Variants in ARHGAP6 observed in about 807,000 individuals in gnomAD.
ARHGAP6 encodes the protein rho GTPase-activating protein 6.
ARHGAP6 carries 16 observed loss-of-function variants against 55.7 expected under a neutral mutation model. The ratio of observed to expected loss-of-function variants is 0.29; its 90% CI spans 0.19 to 0.44. ARHGAP6 has a LOEUF of 0.44. Among genes scored for constraint, ARHGAP6 ranks in the 20% least tolerant of loss-of-function variants. The probability of loss-of-function intolerance (pLI) is 1.00; values close to 1 mark genes in which losing one functional copy is unlikely to be tolerated. For synonymous variants in ARHGAP6, 382 were observed against 360.9 expected, an observed-to-expected ratio of 1.06 and a Z score of -0.66; for missense variants, 698 against 808.9, an observed-to-expected ratio of 0.86 and a Z score of 1.66.
At chrX:11,179,117 G>A (rs1316503719) in intron 7 of ARHGAP6, among the ~76,000 whole-genome samples, 185 bp downstream of exon 7, 1 of 112,096 alleles carries the variant, frequency 8.9e-6, no homozygotes, top group Non-Finnish European at 1.9e-5. Flanking sequence ...TTGTTTTATT[G>A]TAACTTTCTT....
At chrX:11,595,701 A>G (rs777286221) in intron 1 of ARHGAP6, among the ~76,000 whole-genome samples, 2 of 112,110 alleles carry the variant, frequency 1.8e-5, no homozygotes, top group South Asian at 7.5e-4. Context: ...AATATCCAGG[A>G]TCTACAAAGA....
At chrX:11,192,732 G>C (rs1175744839) in intron 3 of ARHGAP6, among the ~76,000 whole-genome samples, 1 of 111,685 alleles carries the variant, frequency 9.0e-6, no homozygotes, top group East Asian at 2.8e-4. Flanking sequence ...ACTCTTTCCA[G>C]ATTGTATGTA....
At chrX:11,311,635 A>G (rs916680782) in intron 1 of ARHGAP6, among the ~76,000 whole-genome samples, 2 of 111,651 alleles carry the variant, frequency 1.8e-5, no homozygotes, top group Non-Finnish European at 3.8e-5. Flanking sequence ...GGTTGATGCC[A>G]TTGCCTTCTG....
At chrX:11,307,607 A>G (rs1278895268) in intron 1 of ARHGAP6, among the ~76,000 whole-genome samples, 1 of 112,500 alleles carries the variant, frequency 8.9e-6, no homozygotes, top group Non-Finnish European at 1.9e-5. Flanking sequence ...TCCACAAATG[A>G]TTTTTCTTAA....
chrX:11,452,633 G>T (rs28553569), intron 1 of ARHGAP6, among the ~76,000 whole-genome samples: 20,369 of 111,212 alleles, frequency 0.18, 1,429 homozygotes, highest in Middle Eastern at 0.3. Flanking sequence ...CATTCAGAAT[G>T]ATACCTCTGA....
chrX:11,607,945 TC>T (rs1295870186), intron 1 of ARHGAP6, among the ~76,000 whole-genome samples: 12 of 112,371 alleles, frequency 1.1e-4, no homozygotes, highest in Middle Eastern at 4.6e-3. Flanking sequence ...GGTATATTCT[TC>T]AAAAACGCTG....
intron 2 of ARHGAP6, among the ~76,000 whole-genome samples, chrX:11,202,744 G>A (rs1480351510): frequency 1.1e-5 from 1 of 87,570 alleles, no homozygotes; most frequent in Non-Finnish European, 2.1e-5. Context: ...AGGTTGCAGT[G>A]AGCCAAGATT....
chrX:11,586,179 C>T (rs2051732053), intron 1 of ARHGAP6, among the ~76,000 whole-genome samples: 1 of 111,857 alleles, frequency 8.9e-6, no homozygotes, highest in Non-Finnish European at 1.9e-5. Context: ...TGTGCAGAAG[C>T]TCATTAGTTT....
At chrX:11,512,752 C>T (rs1320119486) in intron 1 of ARHGAP6, among the ~76,000 whole-genome samples, 1 of 111,515 alleles carries the variant, frequency 9.0e-6, no homozygotes, top group African/African-American at 3.3e-5. Context: ...CTGCTGACTT[C>T]CAAACATATG....
At chrX:11,254,398 A>G in intron 2 of ARHGAP6, 150 bp downstream of exon 2, 2 of 721,787 alleles carry the variant, frequency 2.8e-6, no homozygotes, top group Non-Finnish European at 4.0e-6. Flanking sequence ...ATGTCCTTCA[A>G]ATGGACACTA....
chrX:11,488,530 CTA>C (rs2050533817), intron 1 of ARHGAP6, among the ~76,000 whole-genome samples: 1 of 110,903 alleles, frequency 9.0e-6, no homozygotes, highest in South Asian at 3.9e-4. Flanking sequence ...TATCAACAGT[CTA>C]TACCAAGGGT....
rs1156613318 is a variant in ARHGAP6, at chrX:11,514,161, CAAAAAA to C, written c.588+150074_588+150079del. Among the ~76,000 whole-genome samples the C allele has an allele frequency of 7.0e-4, 25 of 35,781 alleles. 1 individual carries two copies. The highest frequency in any genetic ancestry group is 3.8e-3 in the South Asian group (1 of 262). The allele number at this position is 35,781 out of a possible 115,157, so 31.1% of individuals were successfully genotyped here. Reference sequence around the variant, plus strand: ...TGGGTGACGAAGTGAAACCCTGTCTCAAAAAAAAAAAAAAAAAAAAAAAAAAAGTGG... The same window carrying C: ...TGGGTGACGAAGTGAAACCCTGTCTCAAAAAAAAAAAAAAAAAAAAAGTGG... On this transcript the variant is annotated intron_variant, in intron 1 of 12. Coordinates refer to ENST00000337414, the MANE Select transcript of ARHGAP6 (RefSeq NM_013427.3).
intron 2 of ARHGAP6, among the ~76,000 whole-genome samples, chrX:11,249,957 C>A (rs748836552): frequency 9.0e-5 from 10 of 111,495 alleles, no homozygotes; most frequent in African/African-American, 2.9e-4. Flanking sequence ...TTAAATCTTT[C>A]TTCCATATCA....
chrX:11,623,932 C>A lies in ARHGAP6; in HGVS notation c.588+40309G>T, dbSNP rs375541105. On this transcript the variant is annotated intron_variant, in intron 1 of 12. Coordinates refer to ENST00000337414, the MANE Select transcript of ARHGAP6 (RefSeq NM_013427.3). ...AACAGAATAGCCAAAGCAATCCTGACCAAAAAGTATAAATCTAGAGGCATC... is the reference window on the plus strand; with the variant it reads ...AACAGAATAGCCAAAGCAATCCTGAACAAAAAGTATAAATCTAGAGGCATC... Among the ~76,000 whole-genome samples, 3 of 111,143 alleles carry A rather than the reference C, an allele frequency of 2.7e-5. No individual in the cohort carries two copies. The East Asian group carries it at 8.4e-4, about 31-fold the overall frequency.
chrX:11,570,160 A>G (rs1055708151), intron 1 of ARHGAP6, among the ~76,000 whole-genome samples: 1 of 111,469 alleles, frequency 9.0e-6, no homozygotes, highest in African/African-American at 3.3e-5. Context: ...TATCTATTTA[A>G]GTCACTGACA....
intron 2 of ARHGAP6, among the ~76,000 whole-genome samples, chrX:11,211,835 C>A (rs1254580811): frequency 8.9e-6 from 1 of 112,141 alleles, no homozygotes; most frequent in Admixed American, 9.5e-5. Context: ...GCCACCTCGC[C>A]CAGCTGGGAA....
intron 1 of ARHGAP6, among the ~76,000 whole-genome samples, chrX:11,294,400 G>C (rs891707926): frequency 8.9e-6 from 1 of 112,280 alleles, no homozygotes; most frequent in African/African-American, 3.2e-5. Context: ...TGTGCACTTT[G>C]ATGATCTTCC....
Position 11,247,708 on chromosome X carries a change from A to G in ARHGAP6, c.748+6840T>C, listed in dbSNP as rs148997301. 3.3e-3 allele frequency among the ~76,000 whole-genome samples: 375 copies of G among 112,524 alleles called. 2 individuals carry two copies. Among genetic ancestry groups the G allele is most frequent in the Middle Eastern group, 0.014 (3 of 218 alleles). On this transcript the variant is annotated intron_variant, in intron 2 of 12. Transcript: ENST00000337414. ...TTAAAATGTTACCAAAATAATATTA[A>G]TTGGACCTAACATACTACTTGATAT... is the stretch of plus-strand genomic sequence containing the variant.
intron 1 of ARHGAP6, among the ~76,000 whole-genome samples, chrX:11,437,066 A>C (rs2049994155): frequency 9.0e-6 from 1 of 111,133 alleles, no homozygotes; most frequent in African/African-American, 3.3e-5. Context: ...GAAGGAAGGA[A>C]ATAAGGAAGG....
Sources: gnomAD v4.1 joint callset for allele counts (sites outside exome capture counted in the v4.1 genomes callset) on GRCh38, gnomAD v4.1.1 for gene constraint, MANE v1.5 for transcripts, NCBI Gene and HGNC (gene_info 2026-07-23, HGNC 2026-07-21) for gene names.